LRP5: variants seen among roughly 807,000 people sequenced by gnomAD.
The protein encoded by LRP5 is low-density lipoprotein receptor-related protein 5.
Under a neutral mutation model 154.1 loss-of-function variants are expected in LRP5, and 62 were observed. The ratio of observed to expected loss-of-function variants is 0.40; its 90% CI spans 0.33 to 0.50. The LOEUF is 0.50. Ranked by LOEUF, LRP5 falls within the 20% of genes least tolerant of loss-of-function variation. The pLI is 0.55. For missense variants in LRP5, 1,915 were observed against 2,336.7 expected (o/e 0.82, Z 3.72); for synonymous variants, 966 against 1,011.5 (o/e 0.96, Z 0.85).
At chr11:68,409,082 A>ATG (rs1245837520) in intron 9 of LRP5, among the ~76,000 whole-genome samples, 2 of 42,030 alleles carry the variant, frequency 4.8e-5, no homozygotes, top group Non-Finnish European at 1.0e-4. Flanking sequence ...AAATATATAT[A>ATG]TATATATATA....
Position 68,433,619 on chromosome 11 carries a change from C to A in LRP5, c.3781C>A (p.Pro1261Thr). 6.2e-7 allele frequency: 1 copy of A among 1,613,518 alleles called. No homozygotes were observed. Among genetic ancestry groups the A allele is most frequent in the Non-Finnish European group, 8.5e-7 (1 of 1,180,014 alleles). Residue 1261 changes from proline (P) to threonine (T), a missense_variant, in exon 18 of 23, where the codon CCG (proline) becomes ACG (threonine). By Grantham distance (38) the Pro-to-Thr change is conservative. Around this residue, in one of 3 missense-constraint regions of LRP5, gnomAD observed 1,094 missense variants for 1,210.1 expected, o/e 0.90. Transcript: ENST00000294304. The stretch of plus-strand genomic sequence containing the variant: ...TCCCCCAGAGCCGCCCACCTGCTCC[C>A]CGGACCAGTTTGCATGTGCCACAGG... ...LTCGEPPTCS[P>T]DQFACATGEI...
chr11:68,377,179 T>TG (rs1036393518), intron 5 of LRP5, among the ~76,000 whole-genome samples: 5 of 151,250 alleles, frequency 3.3e-5, no homozygotes, highest in Non-Finnish European at 5.9e-5. Context: ...AGGCAGGCAG[T>TG]GGGGGGCCAC....
chr11:68,415,291 C>T (rs1471203626), intron 12 of LRP5, among the ~76,000 whole-genome samples: 1 of 152,212 alleles, frequency 6.6e-6, no homozygotes, highest in Non-Finnish European at 1.5e-5. Context: ...AGTGTCTTCT[C>T]TCGGGCTTGT....
intron 1 of LRP5, among the ~76,000 whole-genome samples, chr11:68,342,177 C>T (rs989791070): frequency 3.3e-5 from 5 of 151,848 alleles, no homozygotes; most frequent in Admixed American, 1.3e-4. Context: ...CCTCTCTCCT[C>T]GGAAAGTGCT....
rs2098636416 is a variant in LRP5 at position 68,374,781 on chromosome 11, C to A, written c.1015+9079C>A. The stretch of plus-strand genomic sequence containing the variant: ...AATGGAACCACGCAGCTGTGCTCTT[C>A]TGCTTTTTGGCCTGAATACTCACTG... On this transcript the variant is annotated intron_variant, in intron 5 of 22. Coordinates refer to ENST00000294304, the MANE Select transcript of LRP5 (RefSeq NM_002335.4). Among the ~76,000 whole-genome samples, 5 of 152,192 alleles carry A rather than the reference C, an allele frequency of 3.3e-5. No homozygotes were observed. In the South Asian group the frequency reaches 1.0e-3, roughly 31 times the overall value.
rs61375162 is a variant in LRP5 at position 68,438,685 on chromosome 11, A to G, written c.4348+3A>G. On this transcript the variant is annotated splice_donor_region_variant and intron_variant, in intron 20 of 22. Transcript: ENST00000294304. ...TTCCCAGCATGGCCCCTTCACAGGTAAGGAGCCTGAGATATGGAATGATCT... is the reference window on the plus strand; with the variant it reads ...TTCCCAGCATGGCCCCTTCACAGGTGAGGAGCCTGAGATATGGAATGATCT... The G allele has an allele frequency of 9.6e-5, 154 of 1,610,648 alleles. No homozygotes were observed. In the African/African-American group the frequency reaches 1.9e-3, roughly 20 times the overall value.
intron 2 of LRP5, among the ~76,000 whole-genome samples, chr11:68,354,552 G>A (rs967997177): frequency 6.6e-6 from 1 of 152,218 alleles, no homozygotes; most frequent in Non-Finnish European, 1.5e-5. Flanking sequence ...GGGTGGGGAC[G>A]TGCAGGTAAA....
chr11:68,404,263 C>T (rs574659996), intron 8 of LRP5: 2 of 525,000 alleles, frequency 3.8e-6, no homozygotes, highest in East Asian at 8.1e-5. Flanking sequence ...CCAGGTGCGG[C>T]AGGGACAGGC....
At chr11:68,387,465 G>A (rs1171579987) in intron 6 of LRP5, among the ~76,000 whole-genome samples, 1 of 152,208 alleles carries the variant, frequency 6.6e-6, no homozygotes, top group Non-Finnish European at 1.5e-5. Flanking sequence ...TTTCATCCAG[G>A]GGGGTAGGTA....
intron 14 of LRP5, among the ~76,000 whole-genome samples, chr11:68,424,261 C>T (rs1412520268): frequency 6.6e-6 from 1 of 151,884 alleles, no homozygotes; most frequent in Non-Finnish European, 1.5e-5. Context: ...TGGCCTTCCT[C>T]AGATAGCTGG....
intron 5 of LRP5, among the ~76,000 whole-genome samples, chr11:68,380,001 C>T (rs188924633): frequency 6.2e-4 from 95 of 152,268 alleles, no homozygotes; most frequent in African/African-American, 2.1e-3. Flanking sequence ...GGCGTGGTGG[C>T]GGGCACCTGT....
chr11:68,333,045 G>C (rs1372344299), intron 1 of LRP5, among the ~76,000 whole-genome samples: 1 of 152,196 alleles, frequency 6.6e-6, no homozygotes, highest in African/African-American at 2.4e-5. Context: ...TTGTGTCACT[G>C]ACTTGGGTAA....
intron 1 of LRP5, among the ~76,000 whole-genome samples, chr11:68,337,938 C>A (rs2153123777): frequency 6.6e-6 from 1 of 152,360 alleles, no homozygotes; most frequent in South Asian, 2.1e-4. Context: ...GGGCCACCTG[C>A]AGTCAGCTTA....
At chr11:68,364,181 C>G (rs1286979956) in intron 4 of LRP5, among the ~76,000 whole-genome samples, 2 of 151,728 alleles carry the variant, frequency 1.3e-5, no homozygotes, top group African/African-American at 4.8e-5. Context: ...GCAGAGGACC[C>G]CTCTGCAGAG....
intron 5 of LRP5, among the ~76,000 whole-genome samples, chr11:68,378,693 C>T (rs755547236): frequency 1.8e-4 from 27 of 152,094 alleles, no homozygotes; most frequent in Admixed American, 1.2e-3. Flanking sequence ...GCCACACAGA[C>T]TTAGTTGTGT....
At chr11:68,433,443 C>T (rs1184966559) in intron 17 of LRP5, among the ~76,000 whole-genome samples, 159 bp from the exon 18 acceptor site, 4 of 152,174 alleles carry the variant, frequency 2.6e-5, no homozygotes, top group Admixed American at 6.5e-5. Context: ...ACACAGGAGC[C>T]GCAGCGATGG....
At chr11:68,311,818 G>A (rs1366411665), upstream of LRP5, among the ~76,000 whole-genome samples, 1 of 152,256 alleles carries the variant, frequency 6.6e-6, no homozygotes, top group Non-Finnish European at 1.5e-5. Context: ...GAAAGTAGCA[G>A]ACTGGGAGTT....
intron 5 of LRP5, among the ~76,000 whole-genome samples, chr11:68,378,842 G>A (rs1591252148): frequency 2.6e-5 from 4 of 152,188 alleles, no homozygotes; most frequent in African/African-American, 9.6e-5. Context: ...AAGATCAGGA[G>A]TTTGAGACCA....
chr11:68,441,703 A>G (rs1000814565), intron 21 of LRP5, among the ~76,000 whole-genome samples: 6 of 152,168 alleles, frequency 3.9e-5, no homozygotes, highest in African/African-American at 1.4e-4. Context: ...TAATCAGGCA[A>G]TAAGAGATGG....
Sources: allele counts gnomAD v4.1 joint callset (sites outside exome capture counted in the v4.1 genomes callset), GRCh38; gene constraint gnomAD v4.1.1; regional missense constraint gnomAD v4.1.1; transcripts MANE v1.5; gene names NCBI Gene and HGNC (gene_info 2026-07-23, HGNC 2026-07-21).